TGM5: variants seen among roughly 807,000 people sequenced by gnomAD.
The protein encoded by TGM5 is protein-glutamine gamma-glutamyltransferase 5.
A neutral mutation model predicts 77.2 loss-of-function variants in TGM5; 69 were observed. That is an observed-to-expected ratio of 0.89 (90% CI 0.74 to 1.09). The LOEUF (loss-of-function observed/expected upper bound fraction) is 1.09. TGM5 is among the 50% of genes least tolerant of loss of function. The pLI is 0.00. For synonymous variants in TGM5, 346 were observed against 351.8 expected, an observed-to-expected ratio of 0.98 and a Z score of 0.18; for missense variants, 842 against 896.5, an observed-to-expected ratio of 0.94 and a Z score of 0.78.
At chr15:43,261,004 G>C (rs1278160044) in intron 1 of TGM5, among the ~76,000 whole-genome samples, 1 of 151,588 alleles carries the variant, frequency 6.6e-6, no homozygotes, top group Admixed American at 6.6e-5. Flanking sequence ...CAGGTCTGGG[G>C]AGCTGCTCCC....
intron 4 of TGM5, among the ~76,000 whole-genome samples, chr15:43,255,331 C>G (rs531586268): frequency 3.3e-5 from 5 of 152,022 alleles, no homozygotes; most frequent in African/African-American, 9.7e-5. Flanking sequence ...AAGACCATGT[C>G]TCAAAAACAA....
chr15:43,257,979 C>T (rs373204043), intron 3 of TGM5, among the ~76,000 whole-genome samples: 2 of 152,152 alleles, frequency 1.3e-5, no homozygotes, highest in Admixed American at 6.5e-5. Context: ...ATTGCAAGGA[C>T]GTAAGACCAA....
intron 3 of TGM5, among the ~76,000 whole-genome samples, chr15:43,258,006 C>G (rs1331526535): frequency 1.3e-5 from 2 of 152,080 alleles, no homozygotes; most frequent in Non-Finnish European, 2.9e-5. Context: ...CATGTTCTCA[C>G]TCATAGGTGG....
chr15:43,245,512 A>C (rs573257033), intron 6 of TGM5, among the ~76,000 whole-genome samples: 129 of 152,282 alleles, frequency 8.5e-4, no homozygotes, highest in African/African-American at 3.0e-3. Context: ...ATGAAATCTT[A>C]TTTGTTTCCT....
intron 6 of TGM5, among the ~76,000 whole-genome samples, chr15:43,245,932 C>G (rs548383921): frequency 1.2e-4 from 18 of 151,850 alleles, no homozygotes; most frequent in African/African-American, 4.4e-4. Context: ...AAAAAAGGCC[C>G]CTTCACAATG....
intron 4 of TGM5, among the ~76,000 whole-genome samples, chr15:43,255,515 T>C (rs561847834): frequency 7.2e-5 from 11 of 152,286 alleles, no homozygotes; most frequent in East Asian, 5.8e-4. Context: ...TTGGGGCCAG[T>C]TGAGGCCGCT....
At chr15:43,253,673 T>C (rs780953053) in intron 4 of TGM5, 39 bp from the exon 5 acceptor site, 1 of 1,607,632 alleles carries the variant, frequency 6.2e-7, no homozygotes, top group Non-Finnish European at 8.5e-7. Context: ...CACCCATGCT[T>C]GTCACGTGGG....
At chr15:43,240,441 A>G (rs564162345) in intron 7 of TGM5, among the ~76,000 whole-genome samples, 3 of 152,052 alleles carry the variant, frequency 2.0e-5, no homozygotes, top group Admixed American at 6.5e-5. Context: ...GCTCCTGTAT[A>G]TACGTTAATT....
chr15:43,234,528 GA>G (rs1159296519), intron 11 of TGM5, among the ~76,000 whole-genome samples: 1 of 152,238 alleles, frequency 6.6e-6, no homozygotes, highest in African/African-American at 2.4e-5. Context: ...AGGGGCACAA[GA>G]GGGGGGTCTC....
At chr15:43,237,079 T>C (rs921670750) in intron 9 of TGM5, among the ~76,000 whole-genome samples, 4 of 151,438 alleles carry the variant, frequency 2.6e-5, no homozygotes, top group Non-Finnish European at 4.4e-5. Context: ...GAAGACTGAA[T>C]ACTGCTGGCC....
intron 1 of TGM5, among the ~76,000 whole-genome samples, chr15:43,261,072 G>GTTTTTTTTTTTTTTTTTT (rs1566837432): frequency 1.9e-5 from 1 of 53,870 alleles, no homozygotes; most frequent in African/African-American, 5.7e-5. Context: ...TTTTTTGTGT[G>GTTTTTTTTTTTTTTTTTT]TGTGTTTTTT....
At chr15:43,261,082 T>G (rs1452696291) in intron 1 of TGM5, among the ~76,000 whole-genome samples, 1,754 of 102,524 alleles carry the variant, frequency 0.017, 171 homozygotes, top group African/African-American at 0.064. Context: ...GTGTGTTTTT[T>G]TTTTTTTTTT....
At chr15:43,233,743 A>G in intron 11 of TGM5, 56 bp from the exon 12 acceptor site, 2 of 1,602,598 alleles carry the variant, frequency 1.2e-6, no homozygotes, top group Non-Finnish European at 1.7e-6. Flanking sequence ...CTCACCAGAT[A>G]TTTACGAAGG....
At chr15:43,242,002 C>CGA (rs2042640664) in intron 6 of TGM5, among the ~76,000 whole-genome samples, 1 of 152,190 alleles carries the variant, frequency 6.6e-6, no homozygotes, top group Non-Finnish European at 1.5e-5. Context: ...CCTGTCCCTT[C>CGA]ATGTCCAGCA....
chr15:43,265,093 C>T (rs975588819), intron 1 of TGM5, among the ~76,000 whole-genome samples: 3 of 152,204 alleles, frequency 2.0e-5, no homozygotes, highest in Non-Finnish European at 2.9e-5. Context: ...GTGCCAGGTA[C>T]GCTAGGACAG....
At chr15:43,236,472 G>A (rs1466093769) in intron 9 of TGM5, among the ~76,000 whole-genome samples, 1 of 152,172 alleles carries the variant, frequency 6.6e-6, no homozygotes, top group Non-Finnish European at 1.5e-5. Context: ...TGGGCCGCAT[G>A]TGCAGGAATA....
intron 6 of TGM5, among the ~76,000 whole-genome samples, chr15:43,250,890 A>G (rs2042698835): frequency 6.6e-6 from 1 of 152,208 alleles, no homozygotes; most frequent in African/African-American, 2.4e-5. Flanking sequence ...CCAGGCCACT[A>G]AAGGGCCATG....
chr15:43,260,143 G>A lies in TGM5; in HGVS notation c.345C>T (p.Tyr115=). Residue 115 remains tyrosine, a synonymous_variant, in exon 3 of 13, where the codon TAC becomes TAT. Transcript: ENST00000220420. ...AGGAGTCGATGTGGATTTTCAAGAG[G>A]TACCGACCCACGGCCGCCGTGGGAG... ...CAPPTAAVGR[Y]LLKIHIDSFQ... 1 of 1,614,146 alleles carries A rather than the reference G, an allele frequency of 6.2e-7. No individual in the cohort carries two copies. The highest frequency in any genetic ancestry group is 2.2e-5 in the East Asian group (1 of 44,882).
chr15:43,257,142 A>G (rs1216462672), intron 3 of TGM5, among the ~76,000 whole-genome samples: 1 of 152,230 alleles, frequency 6.6e-6, no homozygotes, highest in Non-Finnish European at 1.5e-5. Context: ...GTAGGCATTT[A>G]ATCTAGACAA....
Sources: allele counts gnomAD v4.1 joint callset (sites outside exome capture counted in the v4.1 genomes callset), GRCh38; gene constraint gnomAD v4.1.1; transcripts MANE v1.5; gene names NCBI Gene and HGNC (gene_info 2026-07-23, HGNC 2026-07-21).